The following MTRF1 variants were observed in gnomAD, a reference collection of about 807,000 sequenced individuals.
The protein encoded by MTRF1 is peptide chain release factor 1, mitochondrial.
Under a neutral mutation model 62.9 loss-of-function variants are expected in MTRF1, and 51 were observed. The observed-to-expected ratio is 0.81, with a 90% CI of 0.65 to 1.02. MTRF1 has a LOEUF of 1.02. MTRF1 is among the 50% of genes least tolerant of loss of function. MTRF1 has a pLI of 0.00. For missense variants in MTRF1, 446 were observed against 530.0 expected, an observed-to-expected ratio of 0.84 and a Z score of 1.56; for synonymous variants, 158 against 181.9, an observed-to-expected ratio of 0.87 and a Z score of 1.06.
chr13:41,264,448 C>A (rs1430635430), upstream of MTRF1, among the ~76,000 whole-genome samples: 1 of 152,196 alleles, frequency 6.6e-6, no homozygotes, highest in East Asian at 1.9e-4. Context: ...TTGGCTATCG[C>A]AATTTACAGT....
chr13:41,251,333 C>A (rs2039033076), intron 5 of MTRF1, among the ~76,000 whole-genome samples: 1 of 152,178 alleles, frequency 6.6e-6, no homozygotes, highest in Non-Finnish European at 1.5e-5. Context: ...TCACTATTGT[C>A]AAAATAATCT....
intron 7 of MTRF1, 143 bp from the exon 8 acceptor site, chr13:41,226,711 A>C: frequency 1.1e-6 from 1 of 934,778 alleles, no homozygotes; most frequent in Non-Finnish European, 1.6e-6. Flanking sequence ...TTCAGAAACT[A>C]GCTGGGTTAT....
At chr13:41,299,207 A>AG in the MTRF1 span, among the ~76,000 whole-genome samples, 4 of 151,620 alleles carry the variant, frequency 2.6e-5, no homozygotes, top group Admixed American at 6.6e-5. Flanking sequence ...AGAAAAAAAA[A>AG]AGAGAGAGAG....
the MTRF1 span, among the ~76,000 whole-genome samples, chr13:41,278,267 G>A: frequency 3.9e-5 from 6 of 152,136 alleles, no homozygotes; most frequent in African/African-American, 9.7e-5. Flanking sequence ...GGTTCTTGGC[G>A]TCTCGAACAA....
At chr13:41,284,671 G>GGCTGGAGTGCAGTGGCGTGATATCGAC in the MTRF1 span, among the ~76,000 whole-genome samples, 2 of 151,960 alleles carry the variant, frequency 1.3e-5, no homozygotes, top group Admixed American at 1.3e-4. Flanking sequence ...TCTATCACCA[G>GGCTGGAGTGCAGTGGCGTGATATCGAC]GCTGGAGTGC....
intron 5 of MTRF1, among the ~76,000 whole-genome samples, chr13:41,247,310 A>G (rs2038397608): frequency 6.6e-6 from 1 of 152,192 alleles, no homozygotes; most frequent in Non-Finnish European, 1.5e-5. Flanking sequence ...AACGGAGGAC[A>G]ATGAAGGTGT....
At chr13:41,296,961 C>G in the MTRF1 span, among the ~76,000 whole-genome samples, 1 of 152,092 alleles carries the variant, frequency 6.6e-6, no homozygotes, top group Admixed American at 6.6e-5. Flanking sequence ...CTTCTCTAAA[C>G]ACATTTGCAA....
chr13:41,249,153 A>T (rs560235606), intron 5 of MTRF1, among the ~76,000 whole-genome samples: 1 of 152,336 alleles, frequency 6.6e-6, no homozygotes, highest in South Asian at 2.1e-4. Flanking sequence ...GTGTGCACAT[A>T]TATGTAATTT....
chr13:41,251,931 G>C (rs1023759035), intron 5 of MTRF1, among the ~76,000 whole-genome samples: 3 of 151,994 alleles, frequency 2.0e-5, no homozygotes, highest in Non-Finnish European at 4.4e-5. Context: ...CCAGGCTGGA[G>C]TGTACTGGTG....
intron 6 of MTRF1, among the ~76,000 whole-genome samples, chr13:41,238,010 G>A (rs1032339096): frequency 6.6e-6 from 1 of 152,086 alleles, no homozygotes; most frequent in Non-Finnish European, 1.5e-5. Context: ...GTTGAGGGGT[G>A]ACAAAAATTT....
the MTRF1 span, among the ~76,000 whole-genome samples, chr13:41,271,682 A>G: frequency 2.0e-5 from 3 of 152,130 alleles, no homozygotes; most frequent in Non-Finnish European, 4.4e-5. Flanking sequence ...ATTTTCCAGT[A>G]GGGCCGCTGC....
At chr13:41,272,027 T>C in the MTRF1 span, among the ~76,000 whole-genome samples, 1 of 152,160 alleles carries the variant, frequency 6.6e-6, no homozygotes, top group Non-Finnish European at 1.5e-5. Context: ...CCCCTAACTT[T>C]GTAGCTCTCA....
chr13:41,248,925 C>T (rs2038651751), intron 5 of MTRF1, among the ~76,000 whole-genome samples: 1 of 152,118 alleles, frequency 6.6e-6, no homozygotes, highest in Admixed American at 6.5e-5. Flanking sequence ...CTTCCATAGA[C>T]TATCTTGTTA....
the MTRF1 span, among the ~76,000 whole-genome samples, chr13:41,272,230 T>C: frequency 1.3e-5 from 2 of 152,206 alleles, no homozygotes; most frequent in Non-Finnish European, 2.9e-5. Context: ...AGTGGTGCCT[T>C]TGTTCTGAAT....
intron 2 of MTRF1, among the ~76,000 whole-genome samples, chr13:41,255,766 G>C (rs73473174): frequency 0.029 from 4,372 of 152,202 alleles, 215 homozygotes; most frequent in African/African-American, 0.1. Flanking sequence ...TGGAGAAAAT[G>C]GGCCTTTTTC....
At chr13:41,284,543 CAAA>C in the MTRF1 span, among the ~76,000 whole-genome samples, 10 of 70,630 alleles carry the variant, frequency 1.4e-4, no homozygotes, top group Admixed American at 3.1e-4. Context: ...GACCGTGTCT[CAAA>C]AAAAAAAAAA....
At chr13:41,310,200 C>CT in the MTRF1 span, among the ~76,000 whole-genome samples, 1 of 152,228 alleles carries the variant, frequency 6.6e-6, no homozygotes, top group South Asian at 2.1e-4. Context: ...ACTGTTGTAT[C>CT]TTTCTAGACT....
chr13:41,239,845 A>C (rs990400895), intron 6 of MTRF1, among the ~76,000 whole-genome samples: 1 of 152,178 alleles, frequency 6.6e-6, no homozygotes, highest in Non-Finnish European at 1.5e-5. Flanking sequence ...GAGACTATAA[A>C]GTCCAATCTG....
chr13:41,311,017 G>C, the MTRF1 span, among the ~76,000 whole-genome samples: 4 of 152,194 alleles, frequency 2.6e-5, no homozygotes, highest in African/African-American at 9.6e-5. Context: ...CTTATGAGGC[G>C]TTCTGATGCA....
Sources: allele counts gnomAD v4.1 joint callset (sites outside exome capture counted in the v4.1 genomes callset), GRCh38; gene constraint gnomAD v4.1.1; transcripts MANE v1.5; gene names NCBI Gene and HGNC (gene_info 2026-07-23, HGNC 2026-07-21).